EYA4: variants seen among roughly 807,000 people sequenced by gnomAD.
The protein encoded by EYA4 is EYA transcriptional coactivator and phosphatase 4.
EYA4 carries 31 observed loss-of-function variants against 87.9 expected under a neutral mutation model. That is an observed-to-expected ratio of 0.35 (90% CI 0.27 to 0.48). The LOEUF is 0.48. EYA4 is among the 20% of genes least tolerant of loss of function. The probability of loss-of-function intolerance (pLI) is 0.99; values close to 1 mark genes in which losing one functional copy is unlikely to be tolerated. For synonymous variants in EYA4, 263 were observed against 270.6 expected (o/e 0.97, Z 0.28); for missense variants, 678 against 761.4 (o/e 0.89, Z 1.29).
At chr6:133,310,908 G>T (rs1430086977) in intron 2 of EYA4, among the ~76,000 whole-genome samples, 2 of 152,118 alleles carry the variant, frequency 1.3e-5, no homozygotes, top group African/African-American at 4.8e-5. Context: ...ATTTCTAGAA[G>T]GACTTATATT....
chr6:133,432,896 A>C (rs969575759), intron 3 of EYA4, among the ~76,000 whole-genome samples: 1 of 152,136 alleles, frequency 6.6e-6, no homozygotes, highest in South Asian at 2.1e-4. Flanking sequence ...GAAGAGTCTC[A>C]GTGTTATTTA....
At chr6:133,332,666 C>G (rs1454041923) in intron 2 of EYA4, among the ~76,000 whole-genome samples, 1 of 151,712 alleles carries the variant, frequency 6.6e-6, no homozygotes, top group Non-Finnish European at 1.5e-5. Context: ...GCCTCAGCCT[C>G]CTGAGTAGCT....
chr6:133,389,644 T>C (rs1269391539), intron 3 of EYA4, among the ~76,000 whole-genome samples: 2 of 152,206 alleles, frequency 1.3e-5, no homozygotes, highest in Admixed American at 1.3e-4. Flanking sequence ...TCAGCTCCAC[T>C]TGTGAAAAAT....
chr6:133,460,735 T>C (rs766677922), intron 6 of EYA4, among the ~76,000 whole-genome samples: 64 of 152,130 alleles, frequency 4.2e-4, no homozygotes, highest in Admixed American at 7.2e-4. Flanking sequence ...ATGTATATAT[T>C]GCCATCATAT....
In EYA4 at chr6:133,283,083, C is replaced by T. The variant is rs1262855893; in HGVS notation, c.33+8270C>T. On this transcript the variant is annotated intron_variant, in intron 2 of 19. Transcript: ENST00000355286. ...CTGAGGCGGGTGGATCACCTGAGGT[C>T]AGGAGTTCGAGACCAGCCTGGCCAA... 3.3e-5 allele frequency among the ~76,000 whole-genome samples: 5 copies of T among 152,154 alleles called. No homozygotes were observed. The East Asian group carries it at 9.7e-4, about 29-fold the overall frequency.
At position 133,529,472 on chromosome 6, in the gene EYA4, CA is replaced by C. The variant is rs1800876506; in HGVS notation, c.*668del. On this transcript the variant is annotated 3_prime_UTR_variant, in exon 20 of 20. Transcript: ENST00000355286. ...GATGTGTTGTGCCTTAAAGACAAGA[CA>C]GCATTTGTGTGTTACAATGTAACTT... 1.0e-6 allele frequency: 1 copy of C among 979,072 alleles called. No homozygotes were observed. Among genetic ancestry groups the C allele is most frequent in the Admixed American group, 6.4e-5 (1 of 15,594 alleles). The allele number at this position is 979,072 out of a possible 1,614,324, so 60.6% of individuals were successfully genotyped here.
In EYA4 at chr6:133,529,648, A is replaced by G. The variant is rs1800893384; in HGVS notation, c.*843A>G. The stretch of plus-strand genomic sequence containing the variant: ...TATTTTTTGCAATAAGAAAACAACA[A>G]TAATAAAGGAAAGCTTGTGTTTCAT... On this transcript the variant is annotated 3_prime_UTR_variant, in exon 20 of 20. Transcript: ENST00000355286. 65 of 985,040 alleles carry G rather than the reference A, an allele frequency of 6.6e-5. No individual in the cohort carries two copies. The highest frequency in any genetic ancestry group is 9.4e-5 in the South Asian group (2 of 21,282). The allele number at this position is 985,040 out of a possible 1,614,324, so 61.0% of individuals were successfully genotyped here. A position where few individuals can be genotyped will look rare whatever the true frequency, so the allele number is the denominator to read the frequency against.
At chr6:133,280,885 C>T (rs1777567975) in intron 2 of EYA4, among the ~76,000 whole-genome samples, 1 of 152,110 alleles carries the variant, frequency 6.6e-6, no homozygotes, top group Non-Finnish European at 1.5e-5. Flanking sequence ...GATGAGCACC[C>T]CTCAGCCCTA....
At chr6:133,245,695 A>C (rs1262640667) in intron 1 of EYA4, among the ~76,000 whole-genome samples, 1 of 152,224 alleles carries the variant, frequency 6.6e-6, no homozygotes, top group Non-Finnish European at 1.5e-5. Context: ...TGTTTTAATG[A>C]AGGGGACACT....
chr6:133,423,312 C>T (rs910023224), intron 3 of EYA4, among the ~76,000 whole-genome samples: 51 of 152,172 alleles, frequency 3.4e-4, no homozygotes, highest in Middle Eastern at 6.8e-3. Flanking sequence ...AATTAAAAAC[C>T]GGTGTTACAG....
intron 3 of EYA4, among the ~76,000 whole-genome samples, chr6:133,436,357 C>G (rs1791680795): frequency 6.6e-6 from 1 of 152,156 alleles, no homozygotes; most frequent in South Asian, 2.1e-4. Flanking sequence ...AGAACTGTCC[C>G]AAGAACAAAG....
rs201929377 is a variant in EYA4, at chr6:133,493,190, CA to C, written c.1191+10078del. Among the ~76,000 whole-genome samples the C allele has an allele frequency of 9.6e-3, 1,465 of 152,212 alleles. 13 individuals carry two copies. The highest frequency in any genetic ancestry group is 0.036 in the South Asian group (171 of 4,816). On this transcript the variant is annotated intron_variant, in intron 13 of 19. Coordinates refer to ENST00000355286, the MANE Select transcript of EYA4 (RefSeq NM_004100.5). The stretch of plus-strand genomic sequence containing the variant: ...CTGGAAAAATCACATTACCTGACTT[CA>C]AATTATAACACAAAGTGATAGTAAC...
intron 13 of EYA4, among the ~76,000 whole-genome samples, chr6:133,498,546 T>C (rs1797829002): frequency 6.6e-6 from 1 of 152,226 alleles, no homozygotes; most frequent in Non-Finnish European, 1.5e-5. Flanking sequence ...TCTGTTATTT[T>C]ACCTCATAAT....
Position 133,462,353 on chromosome 6 carries a change from T to G in EYA4, c.456T>G (p.Leu152=). The G allele has an allele frequency of 6.2e-7, 1 of 1,614,068 alleles. No individual in the cohort carries two copies. Among genetic ancestry groups the G allele is most frequent in the Non-Finnish European group, 8.5e-7 (1 of 1,179,920 alleles). The part of the protein sequence containing the change: ...LYPSKPYPHI[L]STPAAQTMSA... Reference sequence around the variant, plus strand: ...TATTTAGGCCCTATCCACACATTCTTTCTACACCAGCAGCTCAAACAATGT... The same window carrying G: ...TATTTAGGCCCTATCCACACATTCTGTCTACACCAGCAGCTCAAACAATGT... The change falls in exon 8 of 20, where the codon CTT becomes CTG. Residue 152 remains leucine (L), a synonymous_variant. Transcript: ENST00000355286.
At chr6:133,522,232 TTACA>T (rs1800246304) in intron 17 of EYA4, among the ~76,000 whole-genome samples, 1 of 134,676 alleles carries the variant, frequency 7.4e-6, no homozygotes, top group Non-Finnish European at 1.6e-5. Context: ...TGCAGGCTTG[TTACA>T]TATGTATACG....
At chr6:133,395,170 A>G (rs1787675529) in intron 3 of EYA4, among the ~76,000 whole-genome samples, 1 of 152,052 alleles carries the variant, frequency 6.6e-6, no homozygotes. Context: ...AGATGAGGTT[A>G]TCTAGAATTA....
intron 2 of EYA4, among the ~76,000 whole-genome samples, chr6:133,279,574 A>G (rs1035138194): frequency 6.6e-6 from 1 of 152,142 alleles, no homozygotes; most frequent in Admixed American, 6.5e-5. Context: ...GCATTTGTAG[A>G]TATGAATTGT....
intron 17 of EYA4, among the ~76,000 whole-genome samples, chr6:133,519,301 A>G (rs1271183160): frequency 6.6e-6 from 1 of 152,072 alleles, no homozygotes; most frequent in Non-Finnish European, 1.5e-5. Context: ...GCAATAAAAA[A>G]TGATAAAGGG....
chr6:133,283,309 A>AATG (rs1401845828), intron 2 of EYA4, among the ~76,000 whole-genome samples: 2 of 151,932 alleles, frequency 1.3e-5, no homozygotes, highest in African/African-American at 2.4e-5. Context: ...TAATAATAAT[A>AATG]ATATAAAAAA....
Sources: gnomAD v4.1 joint callset for allele counts (sites outside exome capture counted in the v4.1 genomes callset) on GRCh38, gnomAD v4.1.1 for gene constraint, MANE v1.5 for transcripts, NCBI Gene and HGNC (gene_info 2026-07-23, HGNC 2026-07-21) for gene names.